TFEC: variants seen among roughly 807,000 people sequenced by gnomAD.
TFEC encodes the protein class E basic helix-loop-helix protein 34.
In TFEC, 31 loss-of-function variants were observed where a neutral mutation model predicts 41.6. The observed-to-expected ratio is 0.74, with a 90% CI of 0.56 to 1.01. The LOEUF is 1.01. Ranked by LOEUF, TFEC falls within the 50% of genes least tolerant of loss-of-function variation. The probability of loss-of-function intolerance (pLI) is 0.00; values close to 1 mark genes in which losing one functional copy is unlikely to be tolerated. For synonymous variants in TFEC, 143 were observed against 140.6 expected (o/e 1.02, Z -0.12); for missense variants, 402 against 404.1 (o/e 0.99, Z 0.04).
chr7:115,971,102 G>A (rs1562900889), intron 3 of TFEC, among the ~76,000 whole-genome samples: 1 of 151,878 alleles, frequency 6.6e-6, no homozygotes, highest in East Asian at 1.9e-4. Context: ...CTTGGGTAAC[G>A]ACTACTGCTT....
At chr7:115,977,189 A>G (rs892394180) in intron 2 of TFEC, among the ~76,000 whole-genome samples, 1 of 152,164 alleles carries the variant, frequency 6.6e-6, no homozygotes, top group African/African-American at 2.4e-5. Context: ...ATTTTGTATC[A>G]GATGAAACAG....
chr7:116,033,637 T>C (rs1435331459), upstream of TFEC, among the ~76,000 whole-genome samples: 1 of 152,042 alleles, frequency 6.6e-6, no homozygotes, highest in African/African-American at 2.4e-5. Context: ...ATGCAGAGAA[T>C]AGCTCTCTCC....
chr7:116,067,987 T>C (rs1164203940), intron 3 of TFEC, among the ~76,000 whole-genome samples: 3 of 151,800 alleles, frequency 2.0e-5, no homozygotes, highest in Non-Finnish European at 4.4e-5. Context: ...CTCAAATTCC[T>C]ACTCTATCTC....
At chr7:115,955,672 G>A (rs1331738735) in intron 4 of TFEC, among the ~76,000 whole-genome samples, 1 of 152,004 alleles carries the variant, frequency 6.6e-6, no homozygotes, top group African/African-American at 2.4e-5. Flanking sequence ...TTATTACTTT[G>A]AGATTATAAA....
At chr7:116,070,090 T>A (rs1037741550) in intron 3 of TFEC, among the ~76,000 whole-genome samples, 5 of 151,562 alleles carry the variant, frequency 3.3e-5, no homozygotes, top group African/African-American at 1.2e-4. Flanking sequence ...TACATAAATA[T>A]ATGCATATAC....
chr7:116,031,382 A>G (rs1190008592), upstream of TFEC, among the ~76,000 whole-genome samples: 1 of 152,000 alleles, frequency 6.6e-6, no homozygotes, highest in Non-Finnish European at 1.5e-5. Context: ...TTACATCCCA[A>G]TTTCATTTGT....
At chr7:115,946,491 C>G (rs1482046952) in intron 6 of TFEC, among the ~76,000 whole-genome samples, 1 of 150,382 alleles carries the variant, frequency 6.6e-6, no homozygotes, top group Admixed American at 6.7e-5. Context: ...TCATGGCTCA[C>G]TTAAGCCTTG....
upstream of TFEC, among the ~76,000 whole-genome samples, chr7:116,035,432 C>T (rs1445333183): frequency 6.6e-6 from 1 of 152,054 alleles, no homozygotes; most frequent in Non-Finnish European, 1.5e-5. Context: ...GGACACTTTA[C>T]ACATATTTCT....
chr7:116,061,922 T>TG (rs1407658637), intron 3 of TFEC, among the ~76,000 whole-genome samples: 1 of 151,972 alleles, frequency 6.6e-6, no homozygotes, highest in African/African-American at 2.4e-5. Context: ...ATGACTAAAA[T>TG]GTAAAAGACT....
intron 3 of TFEC, among the ~76,000 whole-genome samples, chr7:116,078,226 T>C (rs1050866486): frequency 6.6e-6 from 1 of 151,574 alleles, no homozygotes; most frequent in Non-Finnish European, 1.5e-5. Context: ...AATTCCTTCA[T>C]CAAAGAGTAT....
At chr7:116,145,393 C>T (rs1170074398) in intron 1 of TFEC, among the ~76,000 whole-genome samples, 1 of 152,126 alleles carries the variant, frequency 6.6e-6, no homozygotes, top group African/African-American at 2.4e-5. Context: ...AGGCCACAGA[C>T]GAACAGAGGA....
chr7:115,943,614 A>G (rs946922514), intron 6 of TFEC, among the ~76,000 whole-genome samples: 1 of 150,066 alleles, frequency 6.7e-6, no homozygotes, highest in Non-Finnish European at 1.5e-5. Flanking sequence ...TTTCCTATTT[A>G]TTTTTTATAT....
intron 1 of TFEC, among the ~76,000 whole-genome samples, chr7:116,152,260 C>T (rs565538640): frequency 1.3e-5 from 2 of 152,248 alleles, no homozygotes; most frequent in African/African-American, 4.8e-5. Flanking sequence ...ACAACAGGCA[C>T]CACAGAAGCA....
intron 3 of TFEC, among the ~76,000 whole-genome samples, chr7:116,092,035 G>A (rs967313079): frequency 1.3e-5 from 2 of 152,066 alleles, no homozygotes; most frequent in African/African-American, 4.8e-5. Context: ...TCTGCAAAAT[G>A]CCATTTTAAT....
intron 3 of TFEC, among the ~76,000 whole-genome samples, chr7:116,088,026 C>T (rs1275338543): frequency 6.6e-6 from 1 of 152,090 alleles, no homozygotes; most frequent in Non-Finnish European, 1.5e-5. Flanking sequence ...GATAAATATA[C>T]AGCATACTCC....
At chr7:116,031,065 G>C (rs1795769065), upstream of TFEC, among the ~76,000 whole-genome samples, 1 of 151,936 alleles carries the variant, frequency 6.6e-6, no homozygotes, top group Non-Finnish European at 1.5e-5. Flanking sequence ...TTATCATAAT[G>C]GACTGAGATC....
At chr7:116,011,689 T>C (rs1438246483) in intron 1 of TFEC, among the ~76,000 whole-genome samples, 1 of 152,202 alleles carries the variant, frequency 6.6e-6, no homozygotes, top group Non-Finnish European at 1.5e-5. Flanking sequence ...AATCTCATGC[T>C]GAAACATGAC....
In TFEC at chr7:116,151,646, T is replaced by TA. The variant is rs1220233520; in HGVS notation, c.-69+8143dup. On this transcript the variant is annotated intron_variant, in intron 1 of 8. Coordinates refer to the TFEC transcript ENST00000484212. ...GTTTTTTTCCAAAATGAGAACTTGT[T>TA]ACAATGGAATTTTTTTTTTCATTCA... 2.0e-5 allele frequency among the ~76,000 whole-genome samples: 3 copies of TA among 152,082 alleles called. No individual in the cohort carries two copies. In the East Asian group the frequency reaches 5.8e-4, roughly 29 times the overall value.
At chr7:116,053,696 C>T (rs75718963) in intron 3 of TFEC, among the ~76,000 whole-genome samples, 2,946 of 152,280 alleles carry the variant, frequency 0.019, 50 homozygotes, top group South Asian at 0.072. Context: ...TGCTCAGCCT[C>T]CCTCCATGTG....
Sources: gnomAD v4.1 joint callset for allele counts (sites outside exome capture counted in the v4.1 genomes callset) on GRCh38, gnomAD v4.1.1 for gene constraint, MANE v1.5 for transcripts, NCBI Gene and HGNC (gene_info 2026-07-23, HGNC 2026-07-21) for gene names.